NCAPG2: variants seen among roughly 807,000 people sequenced by gnomAD.
NCAPG2 encodes condensin-2 complex subunit G2.
NCAPG2 carries 53 observed loss-of-function variants against 141.1 expected under a neutral mutation model. The observed-to-expected ratio is 0.38, with a 90% CI of 0.30 to 0.47. The LOEUF is 0.47. Ranked by LOEUF, NCAPG2 falls within the 20% of genes least tolerant of loss-of-function variation. NCAPG2 has a pLI of 0.99. For missense variants in NCAPG2, 1,087 were observed against 1,389.0 expected, an observed-to-expected ratio of 0.78 and a Z score of 3.46; for synonymous variants, 499 against 490.7, an observed-to-expected ratio of 1.02 and a Z score of -0.22.
chr7:158,661,850 G>C (rs1003307637), intron 16 of NCAPG2, among the ~76,000 whole-genome samples: 2 of 152,282 alleles, frequency 1.3e-5, no homozygotes, highest in South Asian at 4.1e-4. Context: ...CAGAACTTGA[G>C]TACTACTGTA....
chr7:158,699,997 G>C (rs1279695390), intron 2 of NCAPG2, among the ~76,000 whole-genome samples: 1 of 152,062 alleles, frequency 6.6e-6, no homozygotes, highest in African/African-American at 2.4e-5. Flanking sequence ...GGTAATGCAT[G>C]TGTGGGATTA....
At chr7:158,692,502 G>A (rs180964478) in intron 4 of NCAPG2, among the ~76,000 whole-genome samples, 29 of 152,290 alleles carry the variant, frequency 1.9e-4, no homozygotes, top group African/African-American at 6.7e-4. Context: ...AGCCACGTGG[G>A]AGGCTGAGAC....
intron 21 of NCAPG2, 27 bp downstream of exon 21, chr7:158,655,091 A>C: frequency 6.4e-7 from 1 of 1,567,092 alleles, no homozygotes; most frequent in South Asian, 1.2e-5. Flanking sequence ...GTAAAGAGAA[A>C]GTTTTCTGTG....
Position 158,667,322 on chromosome 7 carries a change from T to C in NCAPG2, c.1480-2572A>G. On this transcript the variant is annotated intron_variant, in intron 13 of 27. Coordinates refer to ENST00000356309, the MANE Select transcript of NCAPG2 (RefSeq NM_017760.7). ...TCCTCCACCCTTAGCCGCTACTGTG[T>C]CCCTCCGCTACTGTGTCCCTCCGCT... 2.5e-5 allele frequency: 2 copies of C among 81,286 alleles called. 1 individual carries two copies. The highest frequency in any genetic ancestry group is 4.8e-4 in the African/African-American group (2 of 4,198). The allele number at this position is 81,286 out of a possible 1,614,324, so 5.0% of individuals were successfully genotyped here.
At chr7:158,665,890 C>G (rs978719902) in intron 13 of NCAPG2, among the ~76,000 whole-genome samples, 4 of 152,154 alleles carry the variant, frequency 2.6e-5, no homozygotes, top group Admixed American at 2.0e-4. Context: ...CCTGAAGCGC[C>G]CCGGGGATAC....
chr7:158,675,567 G>A lies in NCAPG2; in HGVS notation c.1236C>T (p.Pro412=), dbSNP rs758871114. The change falls in exon 12 of 28, where the codon CCC becomes CCT. Residue 412 remains proline (P), a synonymous_variant. Transcript: ENST00000356309. ...KITSKYWEMM[P]PTILIDLLKK... The stretch of plus-strand genomic sequence containing the variant: ...TCAGGAGGTCAATAAGAATGGTCGG[G>A]GGCATCATTTCCCAGTACTTAGAAG... 2 of 1,613,608 alleles carry A rather than the reference G, an allele frequency of 1.2e-6. No homozygotes were observed. Among genetic ancestry groups the A allele is most frequent in the East Asian group, 4.5e-5 (2 of 44,882 alleles).
rs1831042422 is a variant in NCAPG2, at chr7:158,646,683, T to C, written c.3076-120A>G. 6 of 636,886 alleles carry C rather than the reference T, an allele frequency of 9.4e-6. No homozygotes were observed. In the Admixed American group the frequency reaches 2.1e-4, roughly 23 times the overall value. The allele number at this position is 636,886 out of a possible 1,614,324, so 39.5% of individuals were successfully genotyped here. A position where few individuals can be genotyped will look rare whatever the true frequency, so the allele number is the denominator to read the frequency against. Reference sequence around the variant, plus strand: ...ACTTTCTAGAAATTCAAAAGAATTATTTTTATTAACTGTTGAAATGTCTAC... The same window carrying C: ...ACTTTCTAGAAATTCAAAAGAATTACTTTTATTAACTGTTGAAATGTCTAC... On this transcript the variant is annotated intron_variant, in intron 24 of 27. Transcript: ENST00000356309.
At chr7:158,649,855 A>G (rs1381749468) in intron 24 of NCAPG2, among the ~76,000 whole-genome samples, 8 of 152,244 alleles carry the variant, frequency 5.3e-5, no homozygotes, top group Admixed American at 2.6e-4. Flanking sequence ...TAAAGAGGAA[A>G]ACAACACCCT....
Position 158,689,957 on chromosome 7 carries a change from G to A in NCAPG2, c.538-4C>T. The A allele has an allele frequency of 2.0e-6, 3 of 1,502,414 alleles. No homozygotes were observed. The highest frequency in any genetic ancestry group is 2.4e-5 in the Admixed American group (1 of 41,746). 93.1% of individuals were successfully genotyped at this position (1,502,414 alleles called of 1,614,324 possible). A position where few individuals can be genotyped will look rare whatever the true frequency, so the allele number is the denominator to read the frequency against. On this transcript the variant is annotated splice_polypyrimidine_tract_variant and splice_region_variant and intron_variant, in intron 5 of 27. Transcript: ENST00000356309. ...AAAGCCGACATACGTCTGCACCCTA[G>A]GAATGACACAAAAAATGTGATACCT...
intron 1 of NCAPG2, 55 bp from the exon 2 acceptor site, chr7:158,701,993 GATTTA>G (rs754532978): frequency 1.1e-5 from 12 of 1,095,842 alleles, no homozygotes; most frequent in East Asian, 1.1e-4. Flanking sequence ...TTTCCTGTAA[GATTTA>G]ATTTGATATT....
intron 12 of NCAPG2, among the ~76,000 whole-genome samples, chr7:158,674,678 C>T (rs1325950240): frequency 6.6e-6 from 1 of 152,206 alleles, no homozygotes; most frequent in African/African-American, 2.4e-5. Flanking sequence ...AGGGCATGGC[C>T]GTGAGGCCCA....
intron 19 of NCAPG2, 125 bp downstream of exon 19, chr7:158,656,135 T>C (rs1264705956): frequency 8.0e-7 from 1 of 1,254,824 alleles, no homozygotes; most frequent in Admixed American, 2.4e-5. Flanking sequence ...TGAGGTGACA[T>C]GATCACTCTC....
chr7:158,657,655 T>C (rs993594216), intron 17 of NCAPG2, among the ~76,000 whole-genome samples: 4 of 152,192 alleles, frequency 2.6e-5, no homozygotes, highest in African/African-American at 4.8e-5. Flanking sequence ...GGAGGTGTAC[T>C]CAACAGCTCA....
rs1468656952 is a variant in NCAPG2 at position 158,675,397 on chromosome 7, A to T, written c.1326+80T>A. 6 of 1,320,088 alleles carry T rather than the reference A, an allele frequency of 4.5e-6. No individual in the cohort carries two copies. In the African/African-American group the frequency reaches 7.5e-5, roughly 17 times the overall value. The allele number at this position is 1,320,088 out of a possible 1,614,324, so 81.8% of individuals were successfully genotyped here. On this transcript the variant is annotated intron_variant, in intron 12 of 27. Transcript: ENST00000356309. ...TTTGTGGAGTAGGATTACAGGTATT[A>T]TTTTAATCTTTTTCTTTTCCTGTTT... is the stretch of plus-strand genomic sequence containing the variant.
chr7:158,657,893 C>CA (rs780977683), intron 17 of NCAPG2, among the ~76,000 whole-genome samples: 1 of 151,926 alleles, frequency 6.6e-6, no homozygotes, highest in Non-Finnish European at 1.5e-5. Flanking sequence ...TGTGTCCACT[C>CA]AGAGTTAAAT....
At chr7:158,641,611 T>C (rs976462724) in intron 27 of NCAPG2, 35 of 532,656 alleles carry the variant, frequency 6.6e-5, no homozygotes, top group Admixed American at 1.4e-4. Flanking sequence ...CTTATTCTAA[T>C]CAAAACAAAG....
intron 27 of NCAPG2, among the ~76,000 whole-genome samples, chr7:158,638,804 G>T (rs567956824): frequency 6.6e-6 from 1 of 152,070 alleles, no homozygotes; most frequent in Non-Finnish European, 1.5e-5. Flanking sequence ...CACAATTAAC[G>T]AACGTGAACT....
At chr7:158,666,207 G>C (rs116912518) in intron 13 of NCAPG2, among the ~76,000 whole-genome samples, 2 of 152,104 alleles carry the variant, frequency 1.3e-5, no homozygotes, top group Admixed American at 6.6e-5. Flanking sequence ...AAAATACTAG[G>C]ACTCATATTC....
At chr7:158,681,445 A>C (rs1186834602) in intron 9 of NCAPG2, among the ~76,000 whole-genome samples, 3 of 152,206 alleles carry the variant, frequency 2.0e-5, no homozygotes, top group Non-Finnish European at 4.4e-5. Context: ...CCCTAACAAC[A>C]ATTAATTTTG....
Sources: gnomAD v4.1 joint callset for allele counts (sites outside exome capture counted in the v4.1 genomes callset) on GRCh38, gnomAD v4.1.1 for gene constraint, MANE v1.5 for transcripts, NCBI Gene and HGNC (gene_info 2026-07-23, HGNC 2026-07-21) for gene names.